The following TMEM161B variants were observed in gnomAD, a reference collection of about 807,000 sequenced individuals.
TMEM161B encodes transmembrane protein 161B.
A neutral mutation model predicts 61.8 loss-of-function variants in TMEM161B; 34 were observed. The observed-to-expected ratio is 0.55, with a 90% CI of 0.42 to 0.73. The LOEUF (loss-of-function observed/expected upper bound fraction) is 0.73. TMEM161B is among the 30% of genes least tolerant of loss of function. The probability of loss-of-function intolerance (pLI) is 0.00; values close to 1 mark genes in which losing one functional copy is unlikely to be tolerated. For missense variants in TMEM161B, 456 were observed against 558.5 expected (o/e 0.82, Z 1.85); for synonymous variants, 167 against 192.8 (o/e 0.87, Z 1.11).
At chr5:88,190,962 T>A (rs1455021856), downstream of TMEM161B, among the ~76,000 whole-genome samples, 2 of 152,236 alleles carry the variant, frequency 1.3e-5, no homozygotes, top group African/African-American at 2.4e-5. Flanking sequence ...ACATATTGTT[T>A]TAACCTCATT....
chr5:88,261,730 CA>C (rs70996464), intron 1 of TMEM161B, among the ~76,000 whole-genome samples: 241 of 49,280 alleles, frequency 4.9e-3, no homozygotes, highest in East Asian at 7.5e-3. Flanking sequence ...CATTCATGTG[CA>C]AAAAAAAAAA....
chr5:88,192,125 T>C (rs357509), downstream of TMEM161B, among the ~76,000 whole-genome samples: 71,891 of 143,942 alleles, frequency 0.5, 20,508 homozygotes, highest in East Asian at 0.78. Context: ...GATTCTTAGA[T>C]TAGCATTCTG....
At chr5:88,257,978 C>T (rs1272860784) in intron 1 of TMEM161B, among the ~76,000 whole-genome samples, 8 of 152,086 alleles carry the variant, frequency 5.3e-5, no homozygotes, top group Non-Finnish European at 1.2e-4. Context: ...TTCTTTATAA[C>T]CTGAACATTT....
chr5:88,256,489 A>T (rs1381703114), intron 1 of TMEM161B, among the ~76,000 whole-genome samples: 1 of 152,258 alleles, frequency 6.6e-6, no homozygotes, highest in Non-Finnish European at 1.5e-5. Flanking sequence ...ATTAATGAAA[A>T]GACATGTTTG....
intron 5 of TMEM161B, among the ~76,000 whole-genome samples, chr5:88,213,166 C>T (rs1278664422): frequency 6.6e-6 from 1 of 152,078 alleles, no homozygotes; most frequent in Non-Finnish European, 1.5e-5. Flanking sequence ...TTATACTTCA[C>T]ATTCTACATT....
At chr5:88,248,167 G>A (rs1286018738) in intron 1 of TMEM161B, among the ~76,000 whole-genome samples, 4 of 152,004 alleles carry the variant, frequency 2.6e-5, no homozygotes, top group South Asian at 4.1e-4. Context: ...GTCCCCAAAA[G>A]ACAGAAACAC....
At chr5:88,230,059 G>A (rs989348986) in intron 2 of TMEM161B, among the ~76,000 whole-genome samples, 3 of 151,970 alleles carry the variant, frequency 2.0e-5, no homozygotes, top group African/African-American at 7.2e-5. Flanking sequence ...AGGTCTGGTG[G>A]CATGCACCTG....
intron 3 of TMEM161B, among the ~76,000 whole-genome samples, chr5:88,226,080 C>A (rs1387189261): frequency 1.3e-5 from 2 of 152,116 alleles, no homozygotes; most frequent in Non-Finnish European, 2.9e-5. Flanking sequence ...ATACAGATTA[C>A]CAGGGAAATA....
chr5:88,234,567 T>C (rs532965788), intron 2 of TMEM161B, among the ~76,000 whole-genome samples: 1 of 152,310 alleles, frequency 6.6e-6, no homozygotes, highest in African/African-American at 2.4e-5. Flanking sequence ...TCCAGTCTTT[T>C]CCTTTGGTAT....
At chr5:88,187,402 A>T (rs1748412582), downstream of TMEM161B, among the ~76,000 whole-genome samples, 1 of 144,490 alleles carries the variant, frequency 6.9e-6, no homozygotes, top group Non-Finnish European at 1.5e-5. Context: ...GAATTTATAT[A>T]ACATTTGTGT....
downstream of TMEM161B, among the ~76,000 whole-genome samples, chr5:88,191,684 G>A (rs536800693): frequency 3.1e-4 from 47 of 152,060 alleles, no homozygotes; most frequent in South Asian, 6.2e-4. Flanking sequence ...CCGGCCAGGC[G>A]CGGTGGCCCA....
At chr5:88,250,528 A>G (rs1370353150) in intron 1 of TMEM161B, 2 of 152,204 alleles carry the variant, frequency 1.3e-5, no homozygotes, top group African/African-American at 2.4e-5. Flanking sequence ...TCTCCATCTA[A>G]GTGGAGAGAA....
At chr5:88,256,299 C>A (rs1754975440) in intron 1 of TMEM161B, among the ~76,000 whole-genome samples, 1 of 152,096 alleles carries the variant, frequency 6.6e-6, no homozygotes, top group Non-Finnish European at 1.5e-5. Context: ...TATTAACAAG[C>A]CACTTAATCT....
chr5:88,254,798 C>T (rs1754760335), intron 1 of TMEM161B, among the ~76,000 whole-genome samples: 1 of 150,992 alleles, frequency 6.6e-6, no homozygotes, highest in African/African-American at 2.4e-5. Flanking sequence ...GCCATGAGTG[C>T]ACCACTGTAC....
chr5:88,266,156 T>G (rs759853737), intron 1 of TMEM161B, among the ~76,000 whole-genome samples: 7 of 152,230 alleles, frequency 4.6e-5, no homozygotes, highest in Admixed American at 1.3e-4. Flanking sequence ...AACCTTGTTA[T>G]AGGCACAGGT....
Position 88,228,927 on chromosome 5 carries a change from G to A in TMEM161B, c.108-399C>T, listed in dbSNP as rs571525294. Among the ~76,000 whole-genome samples the A allele has an allele frequency of 7.9e-5, 12 of 152,280 alleles. No individual in the cohort carries two copies. The South Asian group carries it at 2.5e-3, about 32-fold the overall frequency. The stretch of plus-strand genomic sequence containing the variant: ...TGAGAGTTATCTTAAAAAGAGAGGT[G>A]TTTGAATGAATTCTCACATTTACAG... On this transcript the variant is annotated intron_variant, in intron 2 of 11. Transcript: ENST00000296595.
At position 88,195,969 on chromosome 5, in the gene TMEM161B, G is replaced by C; in HGVS notation, c.*242C>G. On this transcript the variant is annotated 3_prime_UTR_variant, in exon 12 of 12. Transcript: ENST00000296595. ...CCTTGTAGATAGCCCTCTCATACCA[G>C]TAAATACAAAGAGTTAAAATTCCAA... The C allele has an allele frequency of 2.4e-6, 3 of 1,258,696 alleles. No individual in the cohort carries two copies. Among genetic ancestry groups the C allele is most frequent in the Non-Finnish European group, 3.0e-6 (3 of 1,000,474 alleles). The allele number at this position is 1,258,696 out of a possible 1,614,324, so 78.0% of individuals were successfully genotyped here.
chr5:88,253,812 G>C (rs908161050), intron 1 of TMEM161B, among the ~76,000 whole-genome samples: 1 of 151,854 alleles, frequency 6.6e-6, no homozygotes, highest in African/African-American at 2.4e-5. Flanking sequence ...TAAATCAAAA[G>C]CAAAATTTTT....
Position 88,195,981 on chromosome 5 carries a change from A to G in TMEM161B, c.*230T>C, listed in dbSNP as rs1484403276. 3 of 1,284,252 alleles carry G rather than the reference A, an allele frequency of 2.3e-6. No homozygotes were observed. Among genetic ancestry groups the G allele is most frequent in the Middle Eastern group, 3.0e-4 (1 of 3,342 alleles). The allele number at this position is 1,284,252 out of a possible 1,614,324, so 79.6% of individuals were successfully genotyped here. ...CCCTCTCATACCAGTAAATACAAAG[A>G]GTTAAAATTCCAATGCCACAGTGTA... On this transcript the variant is annotated 3_prime_UTR_variant, in exon 12 of 12. Coordinates refer to ENST00000296595, the MANE Select transcript of TMEM161B (RefSeq NM_153354.5).
Sources: gnomAD v4.1 joint callset for allele counts (sites outside exome capture counted in the v4.1 genomes callset) on GRCh38, gnomAD v4.1.1 for gene constraint, MANE v1.5 for transcripts, NCBI Gene and HGNC (gene_info 2026-07-23, HGNC 2026-07-21) for gene names.